RARG: variants seen among roughly 807,000 people sequenced by gnomAD.
RARG encodes the protein RAR-gamma.
Under a neutral mutation model 43.7 loss-of-function variants are expected in RARG, and 17 were observed. The observed-to-expected ratio is 0.39, with a 90% confidence interval of 0.27 to 0.58. The LOEUF (loss-of-function observed/expected upper bound fraction) is 0.58. RARG is among the 20% of genes least tolerant of loss of function. RARG has a pLI of 0.57. For missense variants in RARG, 346 were observed against 598.7 expected (o/e 0.58, Z 4.40); for synonymous variants, 238 against 236.4 (o/e 1.01, Z -0.06).
chr12:53,211,744 G>T lies in RARG; in HGVS notation c.1297C>A (p.Pro433Thr), dbSNP rs752835490. 6.4e-7 allele frequency: 1 copy of T among 1,568,804 alleles called. No homozygotes were observed. Among genetic ancestry groups the T allele is most frequent in the Non-Finnish European group, 8.6e-7 (1 of 1,158,068 alleles). The change falls in exon 10 of 10, where the codon CCC (proline) becomes ACC (threonine). Residue 433 changes from proline to threonine, a missense_variant. By Grantham distance (38) the Pro-to-Thr change is conservative. Coordinates refer to ENST00000425354, the MANE Select transcript of RARG (RefSeq NM_000966.6). The surrounding 1 kb of genome is among the most constrained non-coding windows in gnomAD (Gnocchi z 4.6). ...EDDSSQPGPH[P>T]NASSEDEVPG... is the part of the protein sequence containing the mutation. The stretch of plus-strand genomic sequence containing the variant: ...ACCTCATCCTCGCTAGAGGCATTGG[G>T]GTGGGGACCAGGCTGCGAGGAGTCA...
intron 3 of RARG, among the ~76,000 whole-genome samples, chr12:53,220,653 G>T (rs1258059450): frequency 2.0e-5 from 3 of 152,220 alleles, no homozygotes; most frequent in African/African-American, 7.2e-5. Flanking sequence ...GAGAATGCTT[G>T]CAGGCATACT....
In RARG at chr12:53,215,726, G is replaced by C; in HGVS notation, c.253C>G (p.Arg85Gly). The C allele has an allele frequency of 1.2e-6, 2 of 1,613,680 alleles. No homozygotes were observed. The highest frequency in any genetic ancestry group is 1.7e-6 in the Non-Finnish European group (2 of 1,179,942). The stretch of plus-strand genomic sequence containing the variant: ...CACACGAAGCATGGCTTGTAGACCC[G>C]AGGAGGCGGAGGGGGCGAGGGCGAG... ...PSSPSPPPPP[R>G]VYKPCFVCND... Residue 85 changes from arginine (R) to glycine (G), a missense_variant, in exon 4 of 10, where the codon CGG (arginine) becomes GGG (glycine). Physicochemically the swap from Arg to Gly is moderately radical, Grantham distance 125. Coordinates refer to ENST00000425354, the MANE Select transcript of RARG (RefSeq NM_000966.6). This position sits in a 1 kb window ranked among gnomAD's most constrained non-coding sequence, Gnocchi z 6.4.
chr12:53,222,840 A>G (rs1027742538), intron 3 of RARG, among the ~76,000 whole-genome samples: 4 of 151,998 alleles, frequency 2.6e-5, no homozygotes, highest in South Asian at 2.1e-4. Context: ...TATTGCAGCA[A>G]TTAGACCCAT....
intron 5 of RARG, chr12:53,214,814 C>A: frequency 1.8e-6 from 1 of 551,962 alleles, no homozygotes; most frequent in East Asian, 3.0e-5. Context: ...GCAGCCCCTG[C>A]TCCTTCCCCA....
chr12:53,220,386 A>G, intron 3 of RARG: 1 of 268,480 alleles, frequency 3.7e-6, no homozygotes, highest in Non-Finnish European at 4.8e-6. Context: ...TTAAAAGCGA[A>G]GCCTGGAGGG....
rs55753635 is a variant in RARG, at chr12:53,214,309, T to C, written c.637-74A>G. 6,500 of 1,544,008 alleles carry C rather than the reference T, an allele frequency of 4.2e-3. 241 individuals carry two copies. In the African/African-American group the frequency reaches 0.073, roughly 17 times the overall value. On this transcript the variant is annotated intron_variant, in intron 6 of 9. Coordinates refer to ENST00000425354, the MANE Select transcript of RARG (RefSeq NM_000966.6). ...CTGGGGGCTGTCTTCTCTCTACCAA[T>C]ATCCCAAGCTCTCTCCTCTGCATTC... is the stretch of plus-strand genomic sequence containing the variant.
chr12:53,212,126 A>G (rs1428520124), intron 9 of RARG, among the ~76,000 whole-genome samples: 1 of 152,140 alleles, frequency 6.6e-6, no homozygotes, highest in Non-Finnish European at 1.5e-5. Context: ...AGCGAGCGCA[A>G]TGCACACAAC....
intron 3 of RARG, among the ~76,000 whole-genome samples, chr12:53,217,946 G>A (rs183730657): frequency 6.6e-6 from 1 of 152,198 alleles, no homozygotes; most frequent in Non-Finnish European, 1.5e-5. Flanking sequence ...CACACTCACA[G>A]GTTAACAACA....
At chr12:53,217,474 G>A (rs1288259384) in intron 3 of RARG, among the ~76,000 whole-genome samples, 3 of 152,234 alleles carry the variant, frequency 2.0e-5, no homozygotes, top group Non-Finnish European at 4.4e-5. Context: ...GGGCCTGGGT[G>A]CGGTCAGACT....
intron 3 of RARG, chr12:53,220,249 G>A (rs1256758280): frequency 2.0e-6 from 3 of 1,470,030 alleles, no homozygotes; most frequent in Non-Finnish European, 1.8e-6. Flanking sequence ...TAAGGGGTGG[G>A]CGGGGAAGAG....
rs1211786111 is a variant in RARG, at chr12:53,215,719, T to C, written c.260A>G (p.Tyr87Cys). Residue 87 changes from tyrosine to cysteine, a missense_variant, in exon 4 of 10, where the codon TAC becomes TGC. This residue lies in a region of RARG where 50 missense variants were observed against 117.7 expected (regional missense o/e 0.42). Transcript: ENST00000425354. The surrounding 1 kb of genome is among the most constrained non-coding windows in gnomAD (Gnocchi z 6.4). ...GTCATTGCACACGAAGCATGGCTTG[T>C]AGACCCGAGGAGGCGGAGGGGGCGA... ...SPSPPPPPRVYKPCFVCNDKS... is the reference protein window; with the variant it reads ...SPSPPPPPRVCKPCFVCNDKS... The C allele has an allele frequency of 1.2e-6, 2 of 1,613,606 alleles. No homozygotes were observed.
At chr12:53,231,836 C>T (rs1404453856) in intron 1 of RARG, 138 bp downstream of exon 1, 2 of 382,010 alleles carry the variant, frequency 5.2e-6, no homozygotes, top group African/African-American at 2.1e-5. Flanking sequence ...CAAGAAGCCC[C>T]CCTCAAGCCC....
At position 53,210,805 on chromosome 12, in the gene RARG, A is replaced by T. The variant is rs1223918422; in HGVS notation, c.*871T>A. ...CCAAGACCCCTGGAGGAAGGGGTCA[A>T]TTCCACGGTGTAAACAAAAGCTAAT... On this transcript the variant is annotated 3_prime_UTR_variant, in exon 10 of 10. Coordinates refer to ENST00000425354, the MANE Select transcript of RARG (RefSeq NM_000966.6). 3 of 152,682 alleles carry T rather than the reference A, an allele frequency of 2.0e-5. No homozygotes were observed. Among genetic ancestry groups the T allele is most frequent in the Non-Finnish European group, 4.4e-5 (3 of 68,070 alleles). The allele number at this position is 152,682 out of a possible 1,614,324, so 9.5% of individuals were successfully genotyped here. A position where few individuals can be genotyped will look rare whatever the true frequency, so the allele number is the denominator to read the frequency against.
At chr12:53,214,370 A>G in intron 6 of RARG, 76 bp downstream of exon 6, 3 of 1,561,794 alleles carry the variant, frequency 1.9e-6, no homozygotes, top group Non-Finnish European at 2.6e-6. Flanking sequence ...AGTCGATGAT[A>G]GCCTCCAACA....
In RARG at chr12:53,211,952, G is replaced by T; in HGVS notation, c.1178-89C>A. On this transcript the variant is annotated intron_variant, in intron 9 of 9. Transcript: ENST00000425354. The surrounding 1 kb of genome is among the most constrained non-coding windows in gnomAD (Gnocchi z 4.6). ...TCCCTAACCTTTCTCAACTGCCCCT[G>T]ACTCCCCTAGGGGGCGCCCAGCACA... 9.2e-7 allele frequency: 1 copy of T among 1,090,560 alleles called. No homozygotes were observed. Among genetic ancestry groups the T allele is most frequent in the Non-Finnish European group, 1.2e-6 (1 of 825,172 alleles). The allele number at this position is 1,090,560 out of a possible 1,614,324, so 67.6% of individuals were successfully genotyped here. A position where few individuals can be genotyped will look rare whatever the true frequency, so the allele number is the denominator to read the frequency against.
intron 3 of RARG, among the ~76,000 whole-genome samples, chr12:53,222,446 C>T (rs1326047294): frequency 1.3e-5 from 2 of 152,148 alleles, no homozygotes; most frequent in East Asian, 1.9e-4. Flanking sequence ...GCTGTCAGTA[C>T]CCCCCTTCCC....
At position 53,215,371 on chromosome 12, in the gene RARG, T is replaced by C; in HGVS notation, c.397A>G (p.Ile133Val). Reference sequence around the variant, plus strand: ...CGATTCCTGGTCACCTTGTTGATGATACAGTTTTTGTCGCGGTGACACGTG... The same window carrying C: ...CGATTCCTGGTCACCTTGTTGATGACACAGTTTTTGTCGCGGTGACACGTG... The part of the protein sequence containing the change: ...VYTCHRDKNC[I>V]INKVTRNRCQ... The change falls in exon 5 of 10, where the codon ATC becomes GTC. Residue 133 changes from isoleucine to valine, a missense_variant. Physicochemically the swap from Ile to Val is conservative, Grantham distance 29 (BLOSUM62 3). Coordinates refer to ENST00000425354, the MANE Select transcript of RARG (RefSeq NM_000966.6). This position sits in a 1 kb window ranked among gnomAD's most constrained non-coding sequence, Gnocchi z 6.4. 1.9e-6 allele frequency: 3 copies of C among 1,614,106 alleles called. No homozygotes were observed. The South Asian group carries it at 3.3e-5, about 18-fold the overall frequency.
At position 53,214,215 on chromosome 12, in the gene RARG, G is replaced by A. The variant is rs941845205; in HGVS notation, c.657C>T (p.Arg219=). The change falls in exon 7 of 10, where the codon CGC becomes CGT. Residue 219 remains arginine, a synonymous_variant. Transcript: ENST00000425354. ...CCCACAGCCCCAGATCCAGCTGCAC[G>A]CGGTGGTCTGCACTGGAGTTCTGCA... ...KYTTNSSADH[R]VQLDLGLWDK... 11 of 1,613,350 alleles carry A rather than the reference G, an allele frequency of 6.8e-6. No homozygotes were observed. Among genetic ancestry groups the A allele is most frequent in the Admixed American group, 5.0e-5 (3 of 60,012 alleles).
At position 53,213,031 on chromosome 12, in the gene RARG, T is replaced by C. The variant is rs1408392666; in HGVS notation, c.1177+54A>G. 2 of 1,544,568 alleles carry C rather than the reference T, an allele frequency of 1.3e-6. No homozygotes were observed. The highest frequency in any genetic ancestry group is 3.7e-5 in the Admixed American group (2 of 53,490). Reference sequence around the variant, plus strand: ...TCTCTGTGTGTCCTCCTGTCCGACCTGGGAGACCAACAGCCCTGGGAAGAC... The same window carrying C: ...TCTCTGTGTGTCCTCCTGTCCGACCCGGGAGACCAACAGCCCTGGGAAGAC... On this transcript the variant is annotated intron_variant, in intron 9 of 9. Transcript: ENST00000425354. This position sits in a 1 kb window ranked among gnomAD's most constrained non-coding sequence, Gnocchi z 4.7.
Sources: gnomAD v4.1 joint callset for allele counts (sites outside exome capture counted in the v4.1 genomes callset) on GRCh38, gnomAD v4.1.1 for gene constraint, gnomAD v4.1.1 regional missense constraint, Gnocchi (gnomAD v3.1) non-coding constraint, MANE v1.5 for transcripts, NCBI Gene and HGNC (gene_info 2026-07-23, HGNC 2026-07-21) for gene names.